The following TNS3 variants were observed in gnomAD, a reference collection of about 807,000 sequenced individuals.
TNS3 encodes tensin-3.
TNS3 carries 45 observed loss-of-function variants against 140.9 expected under a neutral mutation model. The observed-to-expected ratio is 0.32, with a 90% CI of 0.25 to 0.41. The LOEUF is 0.41. Among genes scored for constraint, TNS3 ranks in the 10% least tolerant of loss-of-function variants. TNS3 has a pLI of 1.00. For synonymous variants in TNS3, 815 were observed against 788.4 expected (o/e 1.03, Z -0.56); for missense variants, 1,716 against 1,906.7 (o/e 0.90, Z 1.86).
At position 47,442,057 on chromosome 7, in the gene TNS3, T is replaced by A; in HGVS notation, c.-75-2A>T. On this transcript the variant is annotated splice_acceptor_variant, in intron 4 of 30. Transcript: ENST00000311160. LOFTEE classifies it low-confidence loss of function (5UTR_SPLICE). ...GGACAGCGTGGAACTCCCTGGAGCC[T>A]GCAAATAACAAAACAAGGGTCATTT... 7.9e-7 allele frequency: 1 copy of A among 1,271,760 alleles called. No individual in the cohort carries two copies. Among genetic ancestry groups the A allele is most frequent in the South Asian group, 1.3e-5 (1 of 77,306 alleles). The allele number at this position is 1,271,760 out of a possible 1,614,324, so 78.8% of individuals were successfully genotyped here. A position where few individuals can be genotyped will look rare whatever the true frequency, so the allele number is the denominator to read the frequency against.
At chr7:47,417,467 G>A (rs763004300) in intron 10 of TNS3, among the ~76,000 whole-genome samples, 3 of 152,240 alleles carry the variant, frequency 2.0e-5, no homozygotes, top group Non-Finnish European at 2.9e-5. Context: ...AGTGGTCAGA[G>A]GGGAAGGGAA....
chr7:47,514,917 ATGGCAAC>A (rs1013832467), intron 2 of TNS3, among the ~76,000 whole-genome samples: 15 of 152,136 alleles, frequency 9.9e-5, no homozygotes, highest in Admixed American at 9.8e-4. Flanking sequence ...TGGGATATCA[ATGGCAAC>A]TGGACCATGT....
chr7:47,435,211 A>T, intron 8 of TNS3, 71 bp downstream of exon 8: 1 of 1,589,582 alleles, frequency 6.3e-7, no homozygotes. Flanking sequence ...CAGATGCAGC[A>T]TTGGTCTCCA....
chr7:47,337,829 A>G (rs1788719571), intron 20 of TNS3, among the ~76,000 whole-genome samples: 1 of 152,158 alleles, frequency 6.6e-6, no homozygotes, highest in Admixed American at 6.5e-5. Context: ...CTCTTCTGCC[A>G]ATCTCCTGTT....
chr7:47,327,074 G>C (rs1420844123), intron 20 of TNS3, among the ~76,000 whole-genome samples: 1 of 152,200 alleles, frequency 6.6e-6, no homozygotes, highest in Non-Finnish European at 1.5e-5. Flanking sequence ...ATGCCCAGGA[G>C]GCCCACCCTG....
intron 15 of TNS3, among the ~76,000 whole-genome samples, chr7:47,397,179 T>A (rs1584562864): frequency 1.3e-5 from 2 of 152,102 alleles, no homozygotes; most frequent in East Asian, 3.9e-4. Context: ...GCAAAACGAG[T>A]CTTCAGACCA....
intron 4 of TNS3, among the ~76,000 whole-genome samples, chr7:47,453,860 G>A (rs1242066578): frequency 6.6e-6 from 1 of 152,230 alleles, no homozygotes; most frequent in Non-Finnish European, 1.5e-5. Flanking sequence ...GCCAGCCCGG[G>A]CCACATCGTG....
intron 20 of TNS3, among the ~76,000 whole-genome samples, chr7:47,335,303 A>G (rs572508569): frequency 3.2e-4 from 48 of 152,322 alleles, no homozygotes; most frequent in Non-Finnish European, 6.3e-4. Context: ...GCCCGTCCTC[A>G]TAAAGCTGGA....
intron 3 of TNS3, among the ~76,000 whole-genome samples, chr7:47,496,293 G>A (rs1024550801): frequency 5.9e-5 from 9 of 152,336 alleles, no homozygotes; most frequent in African/African-American, 1.7e-4. Flanking sequence ...CTAGAAAGGG[G>A]CCAAGGGCTC....
chr7:47,468,399 T>C (rs1285717432), intron 4 of TNS3, among the ~76,000 whole-genome samples: 1 of 152,054 alleles, frequency 6.6e-6, no homozygotes, highest in Non-Finnish European at 1.5e-5. Context: ...CAAGATTACA[T>C]CACTGCACTC....
At chr7:47,577,730 G>A (rs1993198) in intron 1 of TNS3, among the ~76,000 whole-genome samples, 133,682 of 152,202 alleles carry the variant, frequency 0.88, 61,418 homozygotes, top group East Asian at 1. Context: ...GCCACCTTGG[G>A]TACTTGAGTA....
At chr7:47,524,774 AGTCCG>A (rs1799123707) in intron 2 of TNS3, among the ~76,000 whole-genome samples, 2 of 125,522 alleles carry the variant, frequency 1.6e-5, no homozygotes, top group Non-Finnish European at 3.2e-5. Flanking sequence ...TGCAGTCCGC[AGTCCG>A]GCCTGGGCGA....
At chr7:47,483,258 C>T (rs1797491648) in intron 3 of TNS3, among the ~76,000 whole-genome samples, 1 of 151,756 alleles carries the variant, frequency 6.6e-6, no homozygotes, top group Admixed American at 6.6e-5. Context: ...CAAGCTCCGC[C>T]TCCCGGGTTC....
chr7:47,409,182 G>A (rs1562702740), intron 13 of TNS3, among the ~76,000 whole-genome samples: 1 of 152,136 alleles, frequency 6.6e-6, no homozygotes, highest in East Asian at 1.9e-4. Flanking sequence ...GGCAGGGTGG[G>A]AGAGAAGAGA....
At position 47,277,988 on chromosome 7, in the gene TNS3, TG is replaced by T. The variant is rs1349707322; in HGVS notation, c.*87del. On this transcript the variant is annotated 3_prime_UTR_variant, in exon 31 of 31. Transcript: ENST00000311160. ...GCCTGGAATGTCAGGTTTACTAGTT[TG>T]GTAAAAAGTGGGGGCCCCACCCTCA... is the stretch of plus-strand genomic sequence containing the variant. The T allele has an allele frequency of 6.8e-7, 1 of 1,462,642 alleles. No individual in the cohort carries two copies. The highest frequency in any genetic ancestry group is 9.5e-7 in the Non-Finnish European group (1 of 1,047,532). 90.6% of individuals were successfully genotyped at this position (1,462,642 alleles called of 1,614,324 possible).
At chr7:47,377,759 C>T (rs73111052) in intron 16 of TNS3, among the ~76,000 whole-genome samples, 25,158 of 143,710 alleles carry the variant, frequency 0.18, 2,636 homozygotes, top group Non-Finnish European at 0.22. Context: ...TCTTCTTCTC[C>T]CTCCTCCCCT....
At chr7:47,559,000 G>T (rs1169027397) in intron 1 of TNS3, among the ~76,000 whole-genome samples, 1 of 152,164 alleles carries the variant, frequency 6.6e-6, no homozygotes, top group Non-Finnish European at 1.5e-5. Flanking sequence ...ATCTCGCAAC[G>T]CCCGTGTATA....
chr7:47,466,268 T>C (rs1051879897), intron 4 of TNS3, among the ~76,000 whole-genome samples: 3 of 151,900 alleles, frequency 2.0e-5, no homozygotes, highest in Non-Finnish European at 4.4e-5. Context: ...TTCTCCTGCC[T>C]CAGCCTCCCA....
chr7:47,348,873 G>T (rs1460330108), intron 17 of TNS3, among the ~76,000 whole-genome samples: 2 of 152,198 alleles, frequency 1.3e-5, no homozygotes, highest in African/African-American at 4.8e-5. Context: ...GGCACAACCA[G>T]GTCGTAACAG....
Sources: gnomAD v4.1 joint callset for allele counts (sites outside exome capture counted in the v4.1 genomes callset) on GRCh38, gnomAD v4.1.1 for gene constraint, MANE v1.5 for transcripts, NCBI Gene and HGNC (gene_info 2026-07-23, HGNC 2026-07-21) for gene names.